The following CCNF variants were observed in gnomAD, a reference collection of about 807,000 sequenced individuals.
CCNF encodes the protein cyclin F.
A neutral mutation model predicts 85.4 loss-of-function variants in CCNF; 30 were observed. The ratio of observed to expected loss-of-function variants is 0.35; its 90% CI spans 0.26 to 0.48. The LOEUF (loss-of-function observed/expected upper bound fraction) is 0.48. Ranked by LOEUF, CCNF falls within the 20% of genes least tolerant of loss-of-function variation. The pLI, the probability that CCNF is intolerant of heterozygous loss-of-function variation, is 0.99. For synonymous variants in CCNF, 439 were observed against 425.1 expected (o/e 1.03, Z -0.40); for missense variants, 919 against 1,010.4 (o/e 0.91, Z 1.23).
At position 2,434,658 on chromosome 16, in the gene CCNF, G is replaced by A. The variant is rs916866326; in HGVS notation, c.279-1148G>A. Among the ~76,000 whole-genome samples, 4 of 152,202 alleles carry A rather than the reference G, an allele frequency of 2.6e-5. No individual in the cohort carries two copies. In the South Asian group the frequency reaches 8.3e-4, roughly 31 times the overall value. ...AATAAATAAAATGTATAACTCATTG[G>A]TTTTTAGTATACTGAGAGTTGTACA... On this transcript the variant is annotated intron_variant, in intron 3 of 16. Coordinates refer to ENST00000397066, the MANE Select transcript of CCNF (RefSeq NM_001761.3).
At chr16:2,441,142 G>A (rs2065318891) in intron 8 of CCNF, among the ~76,000 whole-genome samples, 1 of 152,142 alleles carries the variant, frequency 6.6e-6, no homozygotes, top group South Asian at 2.1e-4. Context: ...GCTGAGGCAG[G>A]AGAATTGCTT....
Position 2,445,448 on chromosome 16 carries a change from C to G in CCNF, c.930-10C>G. The G allele has an allele frequency of 6.2e-7, 1 of 1,614,004 alleles. No individual in the cohort carries two copies. The highest frequency in any genetic ancestry group is 8.5e-7 in the Non-Finnish European group (1 of 1,179,948). ...CCCCCACCAGTTCCCACGTGCTTCTCTTTCCGCAGGTACATTCTGATCGAC... is the reference window on the plus strand; with the variant it reads ...CCCCCACCAGTTCCCACGTGCTTCTGTTTCCGCAGGTACATTCTGATCGAC... On this transcript the variant is annotated splice_polypyrimidine_tract_variant and intron_variant, in intron 9 of 16. Coordinates refer to ENST00000397066, the MANE Select transcript of CCNF (RefSeq NM_001761.3).
At chr16:2,450,190 G>A (rs946331699) in intron 13 of CCNF, among the ~76,000 whole-genome samples, 9 of 150,622 alleles carry the variant, frequency 6.0e-5, no homozygotes, top group African/African-American at 2.0e-4. Flanking sequence ...CTGGGTGACA[G>A]AGCAAGACTC....
At chr16:2,442,420 ATATAATAT>A (rs2065328894) in intron 8 of CCNF, among the ~76,000 whole-genome samples, 1 of 42,340 alleles carries the variant, frequency 2.4e-5, no homozygotes, top group African/African-American at 1.9e-4. Context: ...ATATTATATA[ATATAATAT>A]TATTATATAT....
At position 2,456,387 on chromosome 16, in the gene CCNF, A is replaced by T; in HGVS notation, c.1886-158A>T. 2.1e-6 allele frequency: 1 copy of T among 481,744 alleles called. No individual in the cohort carries two copies. Among genetic ancestry groups the T allele is most frequent in the Non-Finnish European group, 3.6e-6 (1 of 278,020 alleles). The allele number at this position is 481,744 out of a possible 1,614,324, so 29.8% of individuals were successfully genotyped here. On this transcript the variant is annotated intron_variant, in intron 16 of 16. Transcript: ENST00000397066. This position sits in a 1 kb window ranked among gnomAD's most constrained non-coding sequence, Gnocchi z 4.5. ...GGCGGGCAGCTGTCCAACTTGGAAGAGGCATGTCACCCACGCTTCTCACCA... is the reference window on the plus strand; with the variant it reads ...GGCGGGCAGCTGTCCAACTTGGAAGTGGCATGTCACCCACGCTTCTCACCA...
rs2065399799 is a variant in CCNF at position 2,452,372 on chromosome 16, T to C, written c.1488-838T>C. On this transcript the variant is annotated intron_variant, in intron 13 of 16. Coordinates refer to ENST00000397066, the MANE Select transcript of CCNF (RefSeq NM_001761.3). This position sits in a 1 kb window ranked among gnomAD's most constrained non-coding sequence, Gnocchi z 4.1. ...CCTGCAGTGCCCGGACCCTGTGCCTTCTGGGCAAGGAACGAGGCTGACAGT... is the reference window on the plus strand; with the variant it reads ...CCTGCAGTGCCCGGACCCTGTGCCTCCTGGGCAAGGAACGAGGCTGACAGT... 6.6e-6 allele frequency among the ~76,000 whole-genome samples: 1 copy of C among 152,178 alleles called. No individual in the cohort carries two copies. The highest frequency in any genetic ancestry group is 1.5e-5 in the Non-Finnish European group (1 of 68,024).
At chr16:2,434,671 T>G (rs2065278785) in intron 3 of CCNF, among the ~76,000 whole-genome samples, 2 of 152,238 alleles carry the variant, frequency 1.3e-5, no homozygotes, top group Non-Finnish European at 1.5e-5. Context: ...TTTAGTATAC[T>G]GAGAGTTGTA....
In CCNF at chr16:2,445,469, T is replaced by C; in HGVS notation, c.941T>C (p.Ile314Thr). Reference protein sequence around the residue: ...GLNDTMRYILIDWLVEVATMK... With the variant: ...GLNDTMRYILTDWLVEVATMK... Reference sequence around the variant, plus strand: ...TTCTCTTTCCGCAGGTACATTCTGATCGACTGGCTGGTGGAAGTTGCCACC... The same window carrying C: ...TTCTCTTTCCGCAGGTACATTCTGACCGACTGGCTGGTGGAAGTTGCCACC... The change falls in exon 10 of 17, where the codon ATC becomes ACC. Residue 314 changes from isoleucine to threonine, a missense_variant. Ile to Thr is a moderately conservative substitution (Grantham distance 89, BLOSUM62 -1). Coordinates refer to ENST00000397066, the MANE Select transcript of CCNF (RefSeq NM_001761.3). 6.2e-7 allele frequency: 1 copy of C among 1,614,128 alleles called. No homozygotes were observed. Among genetic ancestry groups the C allele is most frequent in the Non-Finnish European group, 8.5e-7 (1 of 1,180,036 alleles).
At chr16:2,444,121 A>G (rs1038887253) in intron 9 of CCNF, among the ~76,000 whole-genome samples, 4 of 151,454 alleles carry the variant, frequency 2.6e-5, no homozygotes, top group African/African-American at 7.3e-5. Flanking sequence ...GGGTTTCACC[A>G]TGTTAGCCAG....
rs543801813 is a variant in CCNF, at chr16:2,446,845, C to T, written c.1094+1223C>T. On this transcript the variant is annotated intron_variant, in intron 10 of 16. Coordinates refer to ENST00000397066, the MANE Select transcript of CCNF (RefSeq NM_001761.3). Reference sequence around the variant, plus strand: ...TTGTCCCTGTGACACCTGTACCTGCCACATTCACCTTTGCACTGAGCTTAG... The same window carrying T: ...TTGTCCCTGTGACACCTGTACCTGCTACATTCACCTTTGCACTGAGCTTAG... 2.6e-5 allele frequency among the ~76,000 whole-genome samples: 4 copies of T among 152,358 alleles called. No individual in the cohort carries two copies. In the South Asian group the frequency reaches 8.3e-4, roughly 32 times the overall value.
chr16:2,448,128 C>T (rs184746860), intron 10 of CCNF, among the ~76,000 whole-genome samples: 3 of 152,214 alleles, frequency 2.0e-5, no homozygotes, highest in Non-Finnish European at 4.4e-5. Context: ...CACACAGTGC[C>T]GGGCACAGAC....
intron 8 of CCNF, 95 bp from the exon 9 acceptor site, chr16:2,443,554 A>T: frequency 8.2e-7 from 1 of 1,219,822 alleles, no homozygotes; most frequent in Non-Finnish European, 1.2e-6. Context: ...CAGTGTGTCC[A>T]CATGCATTTG....
Position 2,448,927 on chromosome 16 carries a change from C to T in CCNF, c.1167C>T (p.Asp389=). 2.5e-6 allele frequency: 4 copies of T among 1,614,116 alleles called. No individual in the cohort carries two copies. Among genetic ancestry groups the T allele is most frequent in the Non-Finnish European group, 3.4e-6 (4 of 1,179,974 alleles). ...WLTDNTYKYE[D]LVRMMGEIVS... ...CGGACAACACTTACAAGTACGAGGA[C>T]CTGGTGAGAATGATGGGCGAGATCG... The change falls in exon 11 of 17, where the codon GAC becomes GAT. Residue 389 remains aspartate, a synonymous_variant. Coordinates refer to ENST00000397066, the MANE Select transcript of CCNF (RefSeq NM_001761.3).
chr16:2,442,755 A>AAT (rs1555497562), intron 8 of CCNF, among the ~76,000 whole-genome samples: 1 of 39,294 alleles, frequency 2.5e-5, no homozygotes. Context: ...TAATAATTAT[A>AAT]ATAATATAAT....
Position 2,456,251 on chromosome 16 carries a change from G to A in CCNF, c.1886-294G>A, listed in dbSNP as rs2065426981. On this transcript the variant is annotated intron_variant, in intron 16 of 16. Transcript: ENST00000397066. The surrounding 1 kb of genome is among the most constrained non-coding windows in gnomAD (Gnocchi z 4.5). Reference sequence around the variant, plus strand: ...ACCCCAGGCAGACTGCGGGGTCCTTGCCAGAAGCCCAGTTAGTGTGAGTCC... The same window carrying A: ...ACCCCAGGCAGACTGCGGGGTCCTTACCAGAAGCCCAGTTAGTGTGAGTCC... 2.7e-6 allele frequency: 1 copy of A among 368,580 alleles called. No homozygotes were observed. Among genetic ancestry groups the A allele is most frequent in the South Asian group, 5.3e-5 (1 of 18,836 alleles). The allele number at this position is 368,580 out of a possible 1,614,324, so 22.8% of individuals were successfully genotyped here. A position where few individuals can be genotyped will look rare whatever the true frequency, so the allele number is the denominator to read the frequency against.
Position 2,433,032 on chromosome 16 carries a change from G to A in CCNF, c.243G>A (p.Leu81=). ...SVWACASFQE[L]WPSPGNLKLF... Reference sequence around the variant, plus strand: ...GGGCATGTGCCAGCTTCCAGGAGCTGTGGCCGTCTCCAGGGAACCTGAAGC... The same window carrying A: ...GGGCATGTGCCAGCTTCCAGGAGCTATGGCCGTCTCCAGGGAACCTGAAGC... Residue 81 remains leucine (L), a synonymous_variant, in exon 3 of 17, where the codon CTG becomes CTA. Coordinates refer to ENST00000397066, the MANE Select transcript of CCNF (RefSeq NM_001761.3). The A allele has an allele frequency of 6.2e-7, 1 of 1,611,140 alleles. No individual in the cohort carries two copies. Among genetic ancestry groups the A allele is most frequent in the Non-Finnish European group, 8.5e-7 (1 of 1,177,726 alleles).
chr16:2,440,951 G>T (rs796189263), intron 8 of CCNF, among the ~76,000 whole-genome samples: 2 of 152,092 alleles, frequency 1.3e-5, no homozygotes, highest in African/African-American at 4.8e-5. Context: ...TAGCTGGATG[G>T]GCTGGGTGCA....
rs1202340375 is a variant in CCNF, at chr16:2,457,844, T to C, written c.*824T>C. Reference sequence around the variant, plus strand: ...AGGTTCACCTGCAAAACAAAAATCTTACTCCAGCCCCTCAATGCCATCCTG... The same window carrying C: ...AGGTTCACCTGCAAAACAAAAATCTCACTCCAGCCCCTCAATGCCATCCTG... On this transcript the variant is annotated 3_prime_UTR_variant, in exon 17 of 17. Transcript: ENST00000397066. 2 of 152,188 alleles carry C rather than the reference T, an allele frequency of 1.3e-5. No homozygotes were observed. Among genetic ancestry groups the C allele is most frequent in the Non-Finnish European group, 2.9e-5 (2 of 68,024 alleles). 9.4% of individuals were successfully genotyped at this position (152,188 alleles called of 1,614,324 possible). A position where few individuals can be genotyped will look rare whatever the true frequency, so the allele number is the denominator to read the frequency against.
At chr16:2,445,872 C>T (rs567594764) in intron 10 of CCNF, among the ~76,000 whole-genome samples, 6 of 152,160 alleles carry the variant, frequency 3.9e-5, no homozygotes, top group African/African-American at 2.4e-5. Context: ...GGACTGCAGG[C>T]GTGCGCCACC....
Sources: allele counts gnomAD v4.1 joint callset (sites outside exome capture counted in the v4.1 genomes callset), GRCh38; gene constraint gnomAD v4.1.1; non-coding constraint Gnocchi (gnomAD v3.1); transcripts MANE v1.5; gene names NCBI Gene and HGNC (gene_info 2026-07-23, HGNC 2026-07-21).